GRHL2: variants seen among roughly 807,000 people sequenced by gnomAD.
GRHL2 encodes grainyhead-like protein 2 homolog.
Under a neutral mutation model 83.8 loss-of-function variants are expected in GRHL2, and 21 were observed. The ratio of observed to expected loss-of-function variants is 0.25; its 90% CI spans 0.18 to 0.36. The LOEUF (loss-of-function observed/expected upper bound fraction) is 0.36. Among genes scored for constraint, GRHL2 ranks in the 10% least tolerant of loss-of-function variants. GRHL2 has a pLI of 1.00. For synonymous variants in GRHL2, 280 were observed against 278.9 expected (o/e 1.00, Z -0.04); for missense variants, 623 against 781.8 (o/e 0.80, Z 2.42).
chr8:101,542,850 C>A (rs1197186572), intron 1 of GRHL2: 4 of 457,274 alleles, frequency 8.7e-6, no homozygotes, highest in African/African-American at 2.0e-5. Flanking sequence ...ATTTCAGTCA[C>A]AATGAACCCA....
At chr8:101,510,949 A>G (rs938989824) in intron 1 of GRHL2, among the ~76,000 whole-genome samples, 3 of 152,054 alleles carry the variant, frequency 2.0e-5, no homozygotes, top group Non-Finnish European at 4.4e-5. Context: ...AAATACAAAA[A>G]AATTAGCCAG....
At chr8:101,661,931 G>GTCTT (rs1334266818) in intron 14 of GRHL2, among the ~76,000 whole-genome samples, 1 of 152,186 alleles carries the variant, frequency 6.6e-6, no homozygotes, top group African/African-American at 2.4e-5. Context: ...ATGTTTTCAA[G>GTCTT]TCTTTCTTCT....
intron 1 of GRHL2, among the ~76,000 whole-genome samples, chr8:101,493,027 T>C (rs1809998039): frequency 6.6e-6 from 1 of 152,208 alleles, no homozygotes; most frequent in Admixed American, 6.5e-5. Flanking sequence ...AAAGTGGGTT[T>C]TCCTTTTCCT....
At chr8:101,501,328 G>A (rs1419214260) in intron 1 of GRHL2, among the ~76,000 whole-genome samples, 4 of 152,316 alleles carry the variant, frequency 2.6e-5, no homozygotes, top group South Asian at 2.1e-4. Flanking sequence ...GAACAGAAAC[G>A]GAAAGCAAGA....
intron 13 of GRHL2, among the ~76,000 whole-genome samples, chr8:101,647,075 A>G (rs1813526246): frequency 6.6e-6 from 1 of 152,250 alleles, no homozygotes; most frequent in Admixed American, 6.5e-5. Flanking sequence ...CAGTGGAAGC[A>G]GTACTCATAA....
intron 14 of GRHL2, among the ~76,000 whole-genome samples, chr8:101,663,134 T>C (rs1445680438): frequency 6.6e-6 from 1 of 152,194 alleles, no homozygotes; most frequent in Non-Finnish European, 1.5e-5. Flanking sequence ...GTAGACCTGA[T>C]TACTAGATAT....
At chr8:101,635,729 TTTC>T (rs1813271713) in intron 11 of GRHL2, among the ~76,000 whole-genome samples, 1 of 152,212 alleles carries the variant, frequency 6.6e-6, no homozygotes, top group South Asian at 2.1e-4. Context: ...CCTCCACTGT[TTTC>T]TGTTTAAGAA....
Position 101,577,392 on chromosome 8 carries a change from A to G in GRHL2, c.892-16A>G, listed in dbSNP as rs933729616. 11 of 1,559,162 alleles carry G rather than the reference A, an allele frequency of 7.1e-6. No homozygotes were observed. In the African/African-American group the frequency reaches 1.4e-4, roughly 19 times the overall value. Reference sequence around the variant, plus strand: ...CACTGAACAAAAAGTAAGCTCCACGATTCTCCCCTCTGCAGAGTGTGGTGA... The same window carrying G: ...CACTGAACAAAAAGTAAGCTCCACGGTTCTCCCCTCTGCAGAGTGTGGTGA... On this transcript the variant is annotated splice_polypyrimidine_tract_variant and intron_variant, in intron 6 of 15. Transcript: ENST00000646743.
chr8:101,675,227 G>T, the GRHL2 span, among the ~76,000 whole-genome samples: 3 of 152,124 alleles, frequency 2.0e-5, no homozygotes, highest in Non-Finnish European at 4.4e-5. Flanking sequence ...GGCAGAAGAA[G>T]GAAATGAAGG....
intron 1 of GRHL2, among the ~76,000 whole-genome samples, chr8:101,522,618 G>T (rs1202885612): frequency 1.3e-5 from 2 of 152,094 alleles, no homozygotes; most frequent in Non-Finnish European, 2.9e-5. Context: ...TGGAGTGGAT[G>T]ATCATGAAGA....
chr8:101,533,467 G>T (rs141834890), intron 1 of GRHL2, among the ~76,000 whole-genome samples: 1 of 152,132 alleles, frequency 6.6e-6, no homozygotes, highest in African/African-American at 2.4e-5. Context: ...CACTGTTCAA[G>T]GTGCTTGTGA....
chr8:101,621,172 G>A (rs1812957282), intron 9 of GRHL2, among the ~76,000 whole-genome samples: 1 of 152,108 alleles, frequency 6.6e-6, no homozygotes, highest in African/African-American at 2.4e-5. Context: ...AAAAGAAAAA[G>A]CAGTTGAATC....
rs762012342 is a variant in GRHL2, at chr8:101,543,455, C to T, written c.216+19C>T. Reference sequence around the variant, plus strand: ...CTACAAGGTAGGTCCCCAGCCTCCACTTTTCTCTTCTTCCTGCTCCAGGAC... The same window carrying T: ...CTACAAGGTAGGTCCCCAGCCTCCATTTTTCTCTTCTTCCTGCTCCAGGAC... On this transcript the variant is annotated intron_variant, in intron 2 of 15. Coordinates refer to ENST00000646743, the MANE Select transcript of GRHL2 (RefSeq NM_024915.4). 1 of 1,609,300 alleles carries T rather than the reference C, an allele frequency of 6.2e-7. No homozygotes were observed. The highest frequency in any genetic ancestry group is 8.5e-7 in the Non-Finnish European group (1 of 1,175,664).
Position 101,577,395 on chromosome 8 carries a change from C to T in GRHL2, c.892-13C>T, listed in dbSNP as rs779493790. 6.4e-7 allele frequency: 1 copy of T among 1,564,648 alleles called. No homozygotes were observed. Among genetic ancestry groups the T allele is most frequent in the Non-Finnish European group, 8.8e-7 (1 of 1,135,444 alleles). On this transcript the variant is annotated splice_polypyrimidine_tract_variant and intron_variant, in intron 6 of 15. Coordinates refer to ENST00000646743, the MANE Select transcript of GRHL2 (RefSeq NM_024915.4). The stretch of plus-strand genomic sequence containing the variant: ...TGAACAAAAAGTAAGCTCCACGATT[C>T]TCCCCTCTGCAGAGTGTGGTGATGG...
chr8:101,652,489 A>G (rs151287582), intron 14 of GRHL2, among the ~76,000 whole-genome samples: 466 of 17,840 alleles, frequency 0.026, no homozygotes, highest in Non-Finnish European at 0.036. Flanking sequence ...GTATGTGTGT[A>G]TGTGTGTGGT....
At chr8:101,498,979 G>A (rs1191463857) in intron 1 of GRHL2, among the ~76,000 whole-genome samples, 1 of 151,974 alleles carries the variant, frequency 6.6e-6, no homozygotes, top group Non-Finnish European at 1.5e-5. Context: ...GGAGGCTGAG[G>A]TGGGAGAATG....
chr8:101,512,152 CT>C lies in GRHL2; in HGVS notation c.20+19373del, dbSNP rs935300597. ...AAAAAAATCTCTCTGGTTATTTTGC[CT>C]TTTTTTTTTAATGCAAACTGGAATC... On this transcript the variant is annotated intron_variant, in intron 1 of 15. Coordinates refer to ENST00000646743, the MANE Select transcript of GRHL2 (RefSeq NM_024915.4). 3.5e-3 allele frequency among the ~76,000 whole-genome samples: 494 copies of C among 140,884 alleles called. 1 individual carries two copies. Among genetic ancestry groups the C allele is most frequent in the East Asian group, 8.9e-3 (43 of 4,852 alleles). 92.4% of individuals were successfully genotyped at this position (140,884 alleles called of 152,430 possible).
chr8:101,631,628 T>A lies in GRHL2; in HGVS notation c.1258-9T>A. 1 of 1,611,840 alleles carries A rather than the reference T, an allele frequency of 6.2e-7. No individual in the cohort carries two copies. ...CTGGCATTTTCTGTATTTGTTTTTT[T>A]CCTATCAGGGAGCAGAAAGAAAAAT... On this transcript the variant is annotated splice_polypyrimidine_tract_variant and intron_variant, in intron 9 of 15. Coordinates refer to ENST00000646743, the MANE Select transcript of GRHL2 (RefSeq NM_024915.4).
At chr8:101,507,583 T>C (rs1810365666) in intron 1 of GRHL2, among the ~76,000 whole-genome samples, 1 of 152,174 alleles carries the variant, frequency 6.6e-6, no homozygotes, top group Non-Finnish European at 1.5e-5. Context: ...TAGTGATTTA[T>C]ATACTGTTTA....
Sources: gnomAD v4.1 joint callset for allele counts (sites outside exome capture counted in the v4.1 genomes callset) on GRCh38, gnomAD v4.1.1 for gene constraint, MANE v1.5 for transcripts, NCBI Gene and HGNC (gene_info 2026-07-23, HGNC 2026-07-21) for gene names.